SLC36A4: variants seen among roughly 807,000 people sequenced by gnomAD.
The protein encoded by SLC36A4 is solute carrier family 36 member 4.
SLC36A4 carries 49 observed loss-of-function variants against 50.5 expected under a neutral mutation model. The ratio of observed to expected loss-of-function variants is 0.97; its 90% confidence interval spans 0.77 to 1.23. SLC36A4 has a LOEUF of 1.23. SLC36A4 is among the 50% of genes most tolerant of loss of function. SLC36A4 has a pLI of 0.00. For synonymous variants in SLC36A4, 207 were observed against 206.5 expected, an observed-to-expected ratio of 1.00 and a Z score of -0.02; for missense variants, 611 against 608.4, an observed-to-expected ratio of 1.00 and a Z score of -0.05.
chr11:93,154,694 T>G (rs1447399962), intron 9 of SLC36A4: 1 of 152,218 alleles, frequency 6.6e-6, no homozygotes, highest in Non-Finnish European at 1.5e-5. Context: ...ACATTAAACT[T>G]AAGTATAGTT....
chr11:93,161,220 C>T (rs1860603848), intron 9 of SLC36A4, among the ~76,000 whole-genome samples: 2 of 152,122 alleles, frequency 1.3e-5, no homozygotes, highest in African/African-American at 4.8e-5. Context: ...GAACTTACTA[C>T]CATATTTTTA....
chr11:93,196,022 T>C (rs1488210256), intron 1 of SLC36A4, among the ~76,000 whole-genome samples: 1 of 152,204 alleles, frequency 6.6e-6, no homozygotes, highest in Admixed American at 6.5e-5. Context: ...ACAAGCTCCA[T>C]TAAGAACAGG....
intron 6 of SLC36A4, among the ~76,000 whole-genome samples, chr11:93,173,458 C>T (rs1398526014): frequency 6.7e-6 from 1 of 149,132 alleles, no homozygotes; most frequent in African/African-American, 2.5e-5. Context: ...TAATTAGATC[C>T]CATTTGTCAA....
chr11:93,148,931 G>C, intron 10 of SLC36A4, 87 bp from the exon 11 acceptor site: 1 of 1,161,422 alleles, frequency 8.6e-7, no homozygotes, highest in Non-Finnish European at 1.2e-6. Context: ...AATACTGAAA[G>C]TAATTACTAG....
chr11:93,149,043 T>C lies in SLC36A4; in HGVS notation c.1208-199A>G, dbSNP rs112229297. Among the ~76,000 whole-genome samples, 266 of 152,178 alleles carry C rather than the reference T, an allele frequency of 1.7e-3. 2 individuals are homozygous for C. The highest frequency in any genetic ancestry group is 6.0e-3 in the African/African-American group (250 of 41,546). On this transcript the variant is annotated intron_variant, in intron 10 of 10. Coordinates refer to ENST00000326402, the MANE Select transcript of SLC36A4 (RefSeq NM_152313.4). ...GAGACAGAAAGACCAAAATAGTGAGTGACATGTCCTAGACTTACACTTGTC... is the reference window on the plus strand; with the variant it reads ...GAGACAGAAAGACCAAAATAGTGAGCGACATGTCCTAGACTTACACTTGTC...
chr11:93,188,761 G>A (rs944480312), intron 1 of SLC36A4, among the ~76,000 whole-genome samples: 10 of 152,024 alleles, frequency 6.6e-5, no homozygotes, highest in Non-Finnish European at 1.2e-4. Context: ...AAATACACTG[G>A]TACTCTTGTA....
chr11:93,150,179 C>T (rs905821917), intron 10 of SLC36A4, among the ~76,000 whole-genome samples: 1 of 151,980 alleles, frequency 6.6e-6, no homozygotes, highest in African/African-American at 2.4e-5. Flanking sequence ...GAAATAACAC[C>T]TGTGTTTGCT....
chr11:93,165,951 A>T lies in SLC36A4; in HGVS notation c.834T>A (p.Gly278=), dbSNP rs779643020. ...AGWKKYPLFF[G]TAVFAFEGIG... ...TGCCTTCAAAAGCAAATACAGCAGT[A>T]CCAAAAAAGAGTGGGTATTTCTTCC... The change falls in exon 8 of 11, where the codon GGT becomes GGA. Residue 278 remains glycine, a synonymous_variant. Transcript: ENST00000326402. The T allele has an allele frequency of 6.8e-6, 11 of 1,610,978 alleles. No homozygotes were observed. In the East Asian group the frequency reaches 2.5e-4, roughly 36 times the overall value.
intron 6 of SLC36A4, among the ~76,000 whole-genome samples, chr11:93,177,043 G>T (rs559225063): frequency 6.6e-6 from 1 of 152,232 alleles, no homozygotes. Flanking sequence ...ATCCTGAAGA[G>T]TGTTTTCCAA....
intron 9 of SLC36A4, among the ~76,000 whole-genome samples, chr11:93,156,192 C>G (rs373847399): frequency 6.6e-6 from 1 of 152,196 alleles, no homozygotes; most frequent in Non-Finnish European, 1.5e-5. Flanking sequence ...ATACTCCCAT[C>G]AACAGTTTAT....
intron 6 of SLC36A4, 74 bp downstream of exon 6, chr11:93,180,723 C>T (rs2134690445): frequency 1.0e-6 from 1 of 999,164 alleles, no homozygotes; most frequent in Non-Finnish European, 1.5e-6. Context: ...ACTGTGGCTT[C>T]CACAGAAGAT....
In SLC36A4 at chr11:93,197,835, C is replaced by G; in HGVS notation, c.-3G>C. ...GCCGGCGTCGCCGCCGCTTCCATCT[C>G]TCGCGGGTCTCCAGGACGCCGCCGC... On this transcript the variant is annotated 5_prime_UTR_variant, in exon 1 of 11. Coordinates refer to ENST00000326402, the MANE Select transcript of SLC36A4 (RefSeq NM_152313.4). 2.6e-6 allele frequency: 4 copies of G among 1,568,134 alleles called. No homozygotes were observed. The highest frequency in any genetic ancestry group is 3.4e-6 in the Non-Finnish European group (4 of 1,165,196).
rs1216626625 is a variant in SLC36A4 at position 93,168,102 on chromosome 11, T to C, written c.610A>G (p.Arg204Gly). 1.2e-6 allele frequency: 2 copies of C among 1,612,666 alleles called. No homozygotes were observed. The highest frequency in any genetic ancestry group is 3.3e-5 in the Admixed American group (2 of 59,896). ...NSTNSSNPCE[R>G]RSVDLRIYML... The stretch of plus-strand genomic sequence containing the variant: ...TATATCCTTAGGTCAACACTTCTTC[T>C]CTCACAAGGGTTTGATGAATTGGTA... Residue 204 changes from arginine (R) to glycine (G), a missense_variant, in exon 7 of 11, where the codon AGA (arginine) becomes GGA (glycine). Transcript: ENST00000326402.
At chr11:93,162,510 T>C (rs564303102) in intron 9 of SLC36A4, among the ~76,000 whole-genome samples, 196 bp downstream of exon 9, 3 of 152,250 alleles carry the variant, frequency 2.0e-5, no homozygotes, top group Admixed American at 6.5e-5. Context: ...GGTTTCATTA[T>C]GTTGGCCAGG....
intron 4 of SLC36A4, chr11:93,182,371 G>T: frequency 3.6e-6 from 1 of 280,364 alleles, no homozygotes; most frequent in Non-Finnish European, 5.4e-6. Context: ...ATGGTCTACT[G>T]TCCAGTAGAA....
chr11:93,168,014 A>T lies in SLC36A4; in HGVS notation c.698T>A (p.Phe233Tyr). 1 of 1,612,834 alleles carries T rather than the reference A, an allele frequency of 6.2e-7. No individual in the cohort carries two copies. The highest frequency in any genetic ancestry group is 8.5e-7 in the Non-Finnish European group (1 of 1,179,226). Residue 233 changes from phenylalanine (F) to tyrosine (Y), a missense_variant, in exon 7 of 11, where the codon TTT (phenylalanine) becomes TAT (tyrosine). Coordinates refer to ENST00000326402, the MANE Select transcript of SLC36A4 (RefSeq NM_152313.4). ...LVFIRELKNL[F>Y]VLSFLANVSM... ...AACGTTGGCAAGGAATGAAAGTACA[A>T]ATAGATTCTTTAGTTCACGAATGAA... is the stretch of plus-strand genomic sequence containing the variant.
intron 6 of SLC36A4, chr11:93,180,328 C>A: frequency 1.0e-6 from 1 of 985,166 alleles, no homozygotes. Context: ...GAAAGTTTCT[C>A]AAAAAACTAC....
chr11:93,166,734 TG>T (rs1860884639), intron 7 of SLC36A4: 1 of 152,112 alleles, frequency 6.6e-6, no homozygotes, highest in African/African-American at 2.4e-5. Context: ...CTGCTTTGCC[TG>T]ATTGGAAGCA....
At chr11:93,150,233 C>T (rs1467402183) in intron 10 of SLC36A4, among the ~76,000 whole-genome samples, 4 of 152,018 alleles carry the variant, frequency 2.6e-5, no homozygotes, top group Admixed American at 6.6e-5. Flanking sequence ...CCATCGATGA[C>T]GATTATATCA....
Sources: gnomAD v4.1 joint callset for allele counts (sites outside exome capture counted in the v4.1 genomes callset) on GRCh38, gnomAD v4.1.1 for gene constraint, MANE v1.5 for transcripts, NCBI Gene and HGNC (gene_info 2026-07-23, HGNC 2026-07-21) for gene names.